The following TMEM47 variants were observed in gnomAD, a reference collection of about 807,000 sequenced individuals.
TMEM47 encodes brain cell membrane protein 1.
In TMEM47, 3 loss-of-function variants were observed where a neutral mutation model predicts 12.4. The ratio of observed to expected loss-of-function variants is 0.24; its 90% CI spans 0.11 to 0.63. TMEM47 has a LOEUF of 0.63. TMEM47 is among the 20% of genes least tolerant of loss of function. The pLI is 0.86. For synonymous variants in TMEM47, 62 were observed against 63.3 expected (o/e 0.98, Z 0.10); for missense variants, 89 against 143.8 (o/e 0.62, Z 1.95).
chrX:34,650,918 A>G, intron 1 of TMEM47, among the ~76,000 whole-genome samples: 1 of 112,126 alleles, frequency 8.9e-6, no homozygotes, highest in Non-Finnish European at 1.9e-5. Context: ...TGTCCCAGTC[A>G]GACATTATTT....
chrX:34,629,362 TA>T lies in TMEM47; in HGVS notation c.*950del, dbSNP rs1921571114. The T allele has an allele frequency of 9.0e-6, 1 of 111,607 alleles. No homozygotes were observed. Among genetic ancestry groups the T allele is most frequent in the Non-Finnish European group, 1.9e-5 (1 of 53,122 alleles). 9.2% of individuals were successfully genotyped at this position (111,607 alleles called of 1,213,427 possible). A position where few individuals can be genotyped will look rare whatever the true frequency, so the allele number is the denominator to read the frequency against. ...TGGTAAATAAGTATGAATACCAATC[TA>T]AGCCTCTTAACAATGTGTACAAGGT... On this transcript the variant is annotated 3_prime_UTR_variant, in exon 3 of 3. Transcript: ENST00000275954.
chrX:34,655,023 T>C (rs1487742765), intron 1 of TMEM47, among the ~76,000 whole-genome samples: 4 of 111,579 alleles, frequency 3.6e-5, no homozygotes, highest in Non-Finnish European at 5.6e-5. Context: ...AAAGCTGAGA[T>C]AAATGGGTAT....
At chrX:34,638,340 T>C (rs1921753550) in intron 2 of TMEM47, among the ~76,000 whole-genome samples, 1 of 111,619 alleles carries the variant, frequency 9.0e-6, no homozygotes, top group Non-Finnish European at 1.9e-5. Flanking sequence ...TATAAGAAAA[T>C]GAACACAAAC....
Position 34,633,385 on chromosome X carries a change from G to T in TMEM47, c.368-2894C>A, listed in dbSNP as rs116396094. 7.5e-3 allele frequency among the ~76,000 whole-genome samples: 834 copies of T among 111,028 alleles called. 4 individuals are homozygous for T. Among genetic ancestry groups the T allele is most frequent in the African/African-American group, 0.026 (798 of 30,568 alleles). On this transcript the variant is annotated intron_variant, in intron 2 of 2. Coordinates refer to ENST00000275954, the MANE Select transcript of TMEM47 (RefSeq NM_031442.4). ...CATAGTGGGGACTGAGCATTCCCAC[G>T]TGAAAGGCATAGGCACTGCAAAACT... is the stretch of plus-strand genomic sequence containing the variant.
intron 1 of TMEM47, among the ~76,000 whole-genome samples, chrX:34,653,890 C>T (rs953750841): frequency 9.0e-5 from 10 of 110,704 alleles, no homozygotes; most frequent in Non-Finnish European, 1.9e-4. Flanking sequence ...CCATTAATCA[C>T]AGTCAATTAG....
In TMEM47 at chrX:34,654,266, G is replaced by T. The variant is rs574279589; in HGVS notation, c.226+2538C>A. On this transcript the variant is annotated intron_variant, in intron 1 of 2. Transcript: ENST00000275954. ...ATGCTCCTTCAGTAAATACAGGCCTGCCTCTTCACAGCAGTTTTAATTCTA... is the reference window on the plus strand; with the variant it reads ...ATGCTCCTTCAGTAAATACAGGCCTTCCTCTTCACAGCAGTTTTAATTCTA... 2.1e-4 allele frequency among the ~76,000 whole-genome samples: 23 copies of T among 112,133 alleles called. No homozygotes were observed. In the South Asian group the frequency reaches 8.2e-3, roughly 40 times the overall value.
In TMEM47 at chrX:34,630,239, G is replaced by GAA. The variant is rs1921588679; in HGVS notation, c.*73_*74insTT. The GAA allele has an allele frequency of 1.0e-6, 1 of 993,359 alleles. No homozygotes were observed. Among genetic ancestry groups the GAA allele is most frequent in the Admixed American group, 3.0e-5 (1 of 33,801 alleles). 81.9% of individuals were successfully genotyped at this position (993,359 alleles called of 1,213,427 possible). A position where few individuals can be genotyped will look rare whatever the true frequency, so the allele number is the denominator to read the frequency against. On this transcript the variant is annotated 3_prime_UTR_variant, in exon 3 of 3. Coordinates refer to ENST00000275954, the MANE Select transcript of TMEM47 (RefSeq NM_031442.4). ...TGCTCCACAAGTGTTTTAGAAAATA[G>GAA]TAAGTTAGAAAAGATGCAGACGTAA... is the stretch of plus-strand genomic sequence containing the variant.
Position 34,630,179 on chromosome X carries a change from CA to C in TMEM47, c.*133del. On this transcript the variant is annotated 3_prime_UTR_variant, in exon 3 of 3. Coordinates refer to ENST00000275954, the MANE Select transcript of TMEM47 (RefSeq NM_031442.4). ...GGTTATGATGTTGACAGCCAAAAGG[CA>C]AAAAAGATTAAATCAACTGAGCAAA... is the stretch of plus-strand genomic sequence containing the variant. The C allele has an allele frequency of 1.5e-6, 1 of 663,119 alleles. No homozygotes were observed. Among genetic ancestry groups the C allele is most frequent in the Non-Finnish European group, 2.2e-6 (1 of 464,929 alleles). The allele number at this position is 663,119 out of a possible 1,213,427, so 54.6% of individuals were successfully genotyped here.
chrX:34,630,265 T>C lies in TMEM47; in HGVS notation c.*48A>G, dbSNP rs1481741058. On this transcript the variant is annotated 3_prime_UTR_variant, in exon 3 of 3. Coordinates refer to ENST00000275954, the MANE Select transcript of TMEM47 (RefSeq NM_031442.4). ...TAAGTTAGAAAAGATGCAGACGTAA[T>C]CCTTTTGTTGGATGGTGGTGGTTGT... The C allele has an allele frequency of 1.8e-6, 2 of 1,098,927 alleles. No homozygotes were observed. Among genetic ancestry groups the C allele is most frequent in the Non-Finnish European group, 2.4e-6 (2 of 817,865 alleles). 90.6% of individuals were successfully genotyped at this position (1,098,927 alleles called of 1,213,427 possible).
rs1921536425 is a variant in TMEM47 at position 34,627,848 on chromosome X, C to T, written c.*2465G>A. On this transcript the variant is annotated 3_prime_UTR_variant, in exon 3 of 3. Transcript: ENST00000275954. ...TTTCACTTGTGTTTATTCTGATAGA[C>T]AAAATTGTATTTTAGATGAGAAGCA... The T allele has an allele frequency of 9.0e-6, 1 of 111,686 alleles. No homozygotes were observed. Among genetic ancestry groups the T allele is most frequent in the African/African-American group, 3.3e-5 (1 of 30,670 alleles). 9.2% of individuals were successfully genotyped at this position (111,686 alleles called of 1,213,427 possible). A position where few individuals can be genotyped will look rare whatever the true frequency, so the allele number is the denominator to read the frequency against.
At chrX:34,641,401 G>C (rs1270611288) in intron 1 of TMEM47, among the ~76,000 whole-genome samples, 2 of 111,831 alleles carry the variant, frequency 1.8e-5, no homozygotes, top group Non-Finnish European at 3.8e-5. Context: ...ATTACTGTTA[G>C]CAACTTTCCC....
At chrX:34,647,628 G>A (rs1184202792) in intron 1 of TMEM47, among the ~76,000 whole-genome samples, 1 of 111,434 alleles carries the variant, frequency 9.0e-6, no homozygotes, top group Admixed American at 9.6e-5. Flanking sequence ...AAAACATTAA[G>A]GAAAGGTGTC....
chrX:34,641,739 C>T (rs4269688), intron 1 of TMEM47, among the ~76,000 whole-genome samples: 31,310 of 111,440 alleles, frequency 0.28, 3,320 homozygotes, highest in East Asian at 0.65. Flanking sequence ...AAGGGCCAGA[C>T]GAGAAATATT....
chrX:34,640,794 T>C (rs6418666), intron 1 of TMEM47, among the ~76,000 whole-genome samples: 34,450 of 110,314 alleles, frequency 0.31, 4,116 homozygotes, highest in East Asian at 0.65. Context: ...TACATCCCTG[T>C]CTCAAGCATC....
chrX:34,655,061 C>T (rs1341445964), intron 1 of TMEM47, among the ~76,000 whole-genome samples: 1 of 111,874 alleles, frequency 8.9e-6, no homozygotes, highest in Admixed American at 9.5e-5. Flanking sequence ...GGTTAGCAAA[C>T]ACTGTATGTT....
At chrX:34,642,552 A>T (rs1310218645) in intron 1 of TMEM47, among the ~76,000 whole-genome samples, 1 of 112,092 alleles carries the variant, frequency 8.9e-6, no homozygotes, top group Non-Finnish European at 1.9e-5. Flanking sequence ...TAAAAAGTAG[A>T]TAAACATAAT....
At chrX:34,650,273 T>C (rs1247206314) in intron 1 of TMEM47, among the ~76,000 whole-genome samples, 1 of 111,929 alleles carries the variant, frequency 8.9e-6, no homozygotes, top group Non-Finnish European at 1.9e-5. Flanking sequence ...CAAGCTTCCA[T>C]ACATGACATC....
intron 1 of TMEM47, among the ~76,000 whole-genome samples, chrX:34,640,711 T>A (rs981150055): frequency 1.2e-4 from 13 of 111,810 alleles, no homozygotes; most frequent in African/African-American, 4.2e-4. Flanking sequence ...CAAAATGCAC[T>A]CTTTGTTACG....
intron 1 of TMEM47, among the ~76,000 whole-genome samples, chrX:34,653,159 T>TA (rs1293143871): frequency 1.8e-5 from 2 of 110,967 alleles, no homozygotes; most frequent in Non-Finnish European, 3.8e-5. Flanking sequence ...ATACTAAAGT[T>TA]AAAAAAAGAT....
Sources: gnomAD v4.1 joint callset for allele counts (sites outside exome capture counted in the v4.1 genomes callset) on GRCh38, gnomAD v4.1.1 for gene constraint, MANE v1.5 for transcripts, NCBI Gene and HGNC (gene_info 2026-07-23, HGNC 2026-07-21) for gene names.